Variants in CAMK2B observed in about 807,000 individuals in gnomAD.
CAMK2B encodes calcium/calmodulin-dependent protein kinase type II subunit beta.
A neutral mutation model predicts 93.7 loss-of-function variants in CAMK2B; 27 were observed. That is an observed-to-expected ratio of 0.29 (90% CI 0.21 to 0.40). The LOEUF (loss-of-function observed/expected upper bound fraction) is 0.40, where lower values mean the gene tolerates loss of function less well. Ranked by LOEUF, CAMK2B falls within the 10% of genes least tolerant of loss-of-function variation. CAMK2B has a pLI of 1.00. For missense variants in CAMK2B, 568 were observed against 895.8 expected (o/e 0.63, Z 4.67); for synonymous variants, 374 against 358.8 (o/e 1.04, Z -0.48).
At chr7:44,325,630 C>T (rs1032858047), upstream of CAMK2B, 26 of 155,350 alleles carry the variant, frequency 1.7e-4, no homozygotes, top group Non-Finnish European at 3.1e-4. Flanking sequence ...CGCCGCACAC[C>T]TACGCGCGGG....
At chr7:44,310,316 A>G (rs1358847574) in intron 1 of CAMK2B, among the ~76,000 whole-genome samples, 1 of 152,206 alleles carries the variant, frequency 6.6e-6, no homozygotes, top group African/African-American at 2.4e-5. Context: ...CAAGTCTCAG[A>G]AGAAAGAAAT....
At chr7:44,294,646 T>C (rs1416577313) in intron 1 of CAMK2B, among the ~76,000 whole-genome samples, 2 of 152,134 alleles carry the variant, frequency 1.3e-5, no homozygotes, top group Non-Finnish European at 2.9e-5. Flanking sequence ...ACAAGTCCCA[T>C]CTCCTGGCCC....
At chr7:44,245,730 G>A (rs995983388) in intron 6 of CAMK2B, among the ~76,000 whole-genome samples, 1 of 152,138 alleles carries the variant, frequency 6.6e-6, no homozygotes, top group African/African-American at 2.4e-5. Flanking sequence ...GGGTATAGGA[G>A]AGGGTCCCGG....
chr7:44,221,699 G>A (rs954027523), intron 20 of CAMK2B, among the ~76,000 whole-genome samples: 1 of 152,096 alleles, frequency 6.6e-6, no homozygotes, highest in African/African-American at 2.4e-5. Context: ...ACTCCCGGGC[G>A]CCTGCCTGCA....
At chr7:44,259,131 G>A (rs753428004) in intron 3 of CAMK2B, among the ~76,000 whole-genome samples, 40 of 152,122 alleles carry the variant, frequency 2.6e-4, no homozygotes, top group Admixed American at 9.2e-4. Context: ...GCCACCCAGC[G>A]AGCACCCACA....
chr7:44,235,837 C>T (rs895474222), intron 13 of CAMK2B, among the ~76,000 whole-genome samples: 4 of 152,244 alleles, frequency 2.6e-5, no homozygotes, highest in Non-Finnish European at 5.9e-5. Flanking sequence ...TCCCCCACCG[C>T]CTGGCTCCAG....
At chr7:44,223,172 C>T (rs1185708434) in intron 20 of CAMK2B, among the ~76,000 whole-genome samples, 1 of 152,182 alleles carries the variant, frequency 6.6e-6, no homozygotes, top group East Asian at 1.9e-4. Context: ...TGCCTATGAG[C>T]GTGCACGTGT....
At chr7:44,265,169 C>T (rs1288432253) in intron 2 of CAMK2B, among the ~76,000 whole-genome samples, 1 of 152,230 alleles carries the variant, frequency 6.6e-6, no homozygotes, top group East Asian at 1.9e-4. Flanking sequence ...GTACAATCTC[C>T]CTGCCCCGCC....
intron 16 of CAMK2B, 93 bp from the exon 17 acceptor site, chr7:44,231,147 G>A (rs1339194464): frequency 1.2e-5 from 8 of 670,878 alleles, no homozygotes; most frequent in African/African-American, 5.7e-5. Context: ...CCTGTGTCAG[G>A]ACCAGCCCAG....
At chr7:44,222,049 G>T (rs2096414241) in intron 20 of CAMK2B, among the ~76,000 whole-genome samples, 2 of 152,178 alleles carry the variant, frequency 1.3e-5, no homozygotes, top group Non-Finnish European at 2.9e-5. Flanking sequence ...TATCTGCGAG[G>T]ATATATACGC....
chr7:44,283,884 T>G (rs560159853), intron 2 of CAMK2B, among the ~76,000 whole-genome samples: 60 of 152,326 alleles, frequency 3.9e-4, no homozygotes, highest in African/African-American at 1.4e-3. Flanking sequence ...GAGGGTCCCT[T>G]GGCACCCCCA....
intron 13 of CAMK2B, among the ~76,000 whole-genome samples, chr7:44,235,405 G>C (rs1402192221): frequency 3.3e-5 from 5 of 152,220 alleles, no homozygotes; most frequent in Non-Finnish European, 7.4e-5. Context: ...GCCTCACCCA[G>C]CATTCCCCCT....
chr7:44,282,039 C>T (rs919917943), intron 2 of CAMK2B, among the ~76,000 whole-genome samples: 1 of 152,238 alleles, frequency 6.6e-6, no homozygotes, highest in Non-Finnish European at 1.5e-5. Context: ...ATGCTCCACA[C>T]ATGCACCTAC....
intron 20 of CAMK2B, among the ~76,000 whole-genome samples, chr7:44,221,232 G>A (rs945206180): frequency 6.6e-6 from 1 of 152,188 alleles, no homozygotes; most frequent in Non-Finnish European, 1.5e-5. Flanking sequence ...CTGGCCCCAC[G>A]TGCTGTCCGC....
intron 5 of CAMK2B, among the ~76,000 whole-genome samples, chr7:44,250,534 T>G (rs1271241715): frequency 6.8e-6 from 1 of 147,610 alleles, no homozygotes; most frequent in Non-Finnish European, 1.5e-5. Context: ...TTGCTTTTTT[T>G]TTTTTTTTTT....
chr7:44,325,550 G>C lies in CAMK2B; in HGVS notation c.-129C>G. ...ACACCTCGGCTCGCGGCGCCAGGCG[G>C]GGGCCGGGCTGGGCTGCGCCGGGCG... On this transcript the variant is annotated 5_prime_UTR_variant, in exon 1 of 24. Transcript: ENST00000395749. 2.6e-6 allele frequency: 1 copy of C among 382,780 alleles called. No individual in the cohort carries two copies. Among genetic ancestry groups the C allele is most frequent in the South Asian group, 9.9e-5 (1 of 10,122 alleles). The allele number at this position is 382,780 out of a possible 1,614,324, so 23.7% of individuals were successfully genotyped here. A position where few individuals can be genotyped will look rare whatever the true frequency, so the allele number is the denominator to read the frequency against.
intron 11 of CAMK2B, among the ~76,000 whole-genome samples, chr7:44,241,184 A>G (rs1256147446): frequency 6.6e-6 from 1 of 152,104 alleles, no homozygotes; most frequent in Admixed American, 6.5e-5. Context: ...CCCATCCCGG[A>G]ACCCACAAGT....
At chr7:44,230,629 C>G (rs529384559) in intron 17 of CAMK2B, among the ~76,000 whole-genome samples, 10 of 152,234 alleles carry the variant, frequency 6.6e-5, no homozygotes, top group Non-Finnish European at 1.0e-4. Context: ...TTGGCAAGTG[C>G]ATGCTGGACA....
Position 44,234,643 on chromosome 7 carries a change from A to T in CAMK2B, c.1055T>A (p.Val352Asp). Residue 352 changes from valine to aspartate, a missense_variant, in exon 14 of 24, where the codon GTC becomes GAC. By Grantham distance (152) the Val-to-Asp change is radical. This residue lies in a region of CAMK2B where 308 missense variants were observed against 292.1 expected (regional missense o/e 1.05). Transcript: ENST00000395749. Reference sequence around the variant, plus strand: ...AGGGCCCGGCTGGAGCCTCACCTTGACTCCATCTGCTTTCTTGTTGAGTAA... The same window carrying T: ...AGGGCCCGGCTGGAGCCTCACCTTGTCTCCATCTGCTTTCTTGTTGAGTAA... The part of the protein sequence containing the change: ...KSLLNKKADG[V>D]KPQTNSTKNS... 1 of 1,613,766 alleles carries T rather than the reference A, an allele frequency of 6.2e-7. No individual in the cohort carries two copies.
Sources: allele counts gnomAD v4.1 joint callset (sites outside exome capture counted in the v4.1 genomes callset), GRCh38; gene constraint gnomAD v4.1.1; regional missense constraint gnomAD v4.1.1; transcripts MANE v1.5; gene names NCBI Gene and HGNC (gene_info 2026-07-23, HGNC 2026-07-21).